Variants in TRAPPC9 observed in about 807,000 individuals in gnomAD.
TRAPPC9 encodes the protein trafficking protein particle complex subunit 9.
TRAPPC9 carries 83 observed loss-of-function variants against 124.0 expected under a neutral mutation model. The ratio of observed to expected loss-of-function variants is 0.67; its 90% CI spans 0.56 to 0.80. The LOEUF is 0.80. Ranked by LOEUF, TRAPPC9 falls within the 30% of genes least tolerant of loss-of-function variation. TRAPPC9 has a pLI of 0.00. For synonymous variants in TRAPPC9, 638 were observed against 617.5 expected, an observed-to-expected ratio of 1.03 and a Z score of -0.49; for missense variants, 1,302 against 1,508.3, an observed-to-expected ratio of 0.86 and a Z score of 2.27.
intron 17 of TRAPPC9, among the ~76,000 whole-genome samples, chr8:140,190,559 G>C (rs2062467952): frequency 1.3e-5 from 2 of 152,160 alleles, no homozygotes; most frequent in Non-Finnish European, 2.9e-5. Flanking sequence ...GAGAGACTGG[G>C]CCCAACCGCC....
At chr8:140,166,126 C>T (rs1174826912) in intron 17 of TRAPPC9, among the ~76,000 whole-genome samples, 1 of 152,198 alleles carries the variant, frequency 6.6e-6, no homozygotes, top group African/African-American at 2.4e-5. Flanking sequence ...TGCGATAACA[C>T]TCATCATGAT....
At position 140,406,769 on chromosome 8, in the gene TRAPPC9, TG is replaced by T. The variant is rs199624847; in HGVS notation, c.887-1072del. On this transcript the variant is annotated intron_variant, in intron 5 of 22. Transcript: ENST00000438773. The stretch of plus-strand genomic sequence containing the variant: ...GGAAGAAAGAACTGTAACAGAACTG[TG>T]GAGAGGCAGGTGGTTTAGGACTTTG... Among the ~76,000 whole-genome samples the T allele has an allele frequency of 2.2e-3, 333 of 152,256 alleles. 1 individual carries two copies. Among genetic ancestry groups the T allele is most frequent in the African/African-American group, 7.5e-3 (312 of 41,530 alleles).
Position 140,329,413 on chromosome 8 carries a change from G to A in TRAPPC9, c.1496-18039C>T, listed in dbSNP as rs114569680. ...AAAATGGGACAGGAGCAGACAAAGC[G>A]ATGGCTCGTCTCCTAGGGAGCACAT... On this transcript the variant is annotated intron_variant, in intron 9 of 22. Transcript: ENST00000438773. Among the ~76,000 whole-genome samples the A allele has an allele frequency of 4.1e-3, 630 of 152,276 alleles. 6 individuals are homozygous for A. Among genetic ancestry groups the A allele is most frequent in the Middle Eastern group, 0.031 (9 of 294 alleles).
At chr8:139,817,272 A>T (rs1586911222) in intron 21 of TRAPPC9, among the ~76,000 whole-genome samples, 1 of 152,314 alleles carries the variant, frequency 6.6e-6, no homozygotes, top group Non-Finnish European at 1.5e-5. Flanking sequence ...TAGCAGGTTC[A>T]GGCTGCAAAT....
intron 17 of TRAPPC9, among the ~76,000 whole-genome samples, chr8:140,171,670 A>G (rs1362763980): frequency 1.3e-5 from 2 of 152,170 alleles, no homozygotes; most frequent in African/African-American, 4.8e-5. Flanking sequence ...CAGCACCTGC[A>G]CTGCCTGGCA....
At chr8:140,243,955 G>A (rs1296721201) in intron 16 of TRAPPC9, among the ~76,000 whole-genome samples, 5 of 152,234 alleles carry the variant, frequency 3.3e-5, no homozygotes, top group Admixed American at 1.3e-4. Context: ...CCTCCCGTCA[G>A]CTCAGCAGCG....
At chr8:140,095,876 C>T (rs1014718895) in intron 17 of TRAPPC9, 3 of 152,080 alleles carry the variant, frequency 2.0e-5, no homozygotes, top group African/African-American at 7.2e-5. Context: ...GGTGCCTCTC[C>T]GAGGTGCAGA....
intron 19 of TRAPPC9, among the ~76,000 whole-genome samples, chr8:139,935,261 AT>A (rs1235002370): frequency 1.3e-5 from 2 of 152,176 alleles, no homozygotes; most frequent in Non-Finnish European, 2.9e-5. Flanking sequence ...GAGGGGAAAG[AT>A]TTCTAAAAAA....
intron 20 of TRAPPC9, among the ~76,000 whole-genome samples, chr8:139,896,987 A>C (rs1830705359): frequency 1.3e-5 from 2 of 152,200 alleles, no homozygotes; most frequent in Non-Finnish European, 2.9e-5. Context: ...CTGTGAAATC[A>C]CTGCTGGGGC....
intron 9 of TRAPPC9, among the ~76,000 whole-genome samples, chr8:140,327,715 T>A (rs902093785): frequency 6.6e-6 from 1 of 152,162 alleles, no homozygotes. Context: ...GGCAAATTCA[T>A]CAAGAGGAAA....
chr8:140,251,346 A>T (rs2064128447), intron 16 of TRAPPC9, among the ~76,000 whole-genome samples: 1 of 152,252 alleles, frequency 6.6e-6, no homozygotes, highest in African/African-American at 2.4e-5. Context: ...AATGCAGTTC[A>T]GCGGGATAAA....
intron 20 of TRAPPC9, among the ~76,000 whole-genome samples, chr8:139,896,666 C>T (rs1830688338): frequency 1.3e-5 from 2 of 152,220 alleles, no homozygotes; most frequent in African/African-American, 4.8e-5. Context: ...ATTGACTCCT[C>T]ACCGTAAACC....
intron 17 of TRAPPC9, among the ~76,000 whole-genome samples, chr8:140,190,589 A>G (rs909323321): frequency 6.6e-6 from 1 of 152,236 alleles, no homozygotes; most frequent in Non-Finnish European, 1.5e-5. Context: ...CCAGAGGCAG[A>G]GCCTGGAGGA....
intron 10 of TRAPPC9, among the ~76,000 whole-genome samples, chr8:140,308,152 C>T (rs1217150042): frequency 6.6e-6 from 1 of 151,908 alleles, no homozygotes; most frequent in African/African-American, 2.4e-5. Flanking sequence ...AACGAAGGAA[C>T]AAAACCGGCC....
At chr8:140,274,476 G>A (rs1180289344) in intron 15 of TRAPPC9, among the ~76,000 whole-genome samples, 1 of 152,218 alleles carries the variant, frequency 6.6e-6, no homozygotes, top group African/African-American at 2.4e-5. Context: ...CCGGGAGAAT[G>A]GGTTAGACAA....
chr8:140,111,667 A>G (rs555901621), intron 17 of TRAPPC9, among the ~76,000 whole-genome samples: 1 of 152,350 alleles, frequency 6.6e-6, no homozygotes, highest in African/African-American at 2.4e-5. Context: ...AAGAGTCCCA[A>G]TGTGTGTATG....
intron 19 of TRAPPC9, among the ~76,000 whole-genome samples, chr8:139,965,588 G>T (rs1380876071): frequency 6.6e-6 from 1 of 151,650 alleles, no homozygotes; most frequent in Non-Finnish European, 1.5e-5. Context: ...CCAAGGCAAA[G>T]AAGCTTTGCT....
At chr8:139,922,607 G>A (rs1305902508) in intron 19 of TRAPPC9, among the ~76,000 whole-genome samples, 2 of 152,260 alleles carry the variant, frequency 1.3e-5, no homozygotes, top group Admixed American at 1.3e-4. Context: ...AGACAGGCAT[G>A]GCTGGCAGTG....
At chr8:140,030,755 A>G in intron 17 of TRAPPC9, among the ~76,000 whole-genome samples, 1 of 152,240 alleles carries the variant, frequency 6.6e-6, no homozygotes, top group African/African-American at 2.4e-5. Flanking sequence ...GAAGCCAGAC[A>G]CACAAGAGTG....
Sources: allele counts gnomAD v4.1 joint callset (sites outside exome capture counted in the v4.1 genomes callset), GRCh38; gene constraint gnomAD v4.1.1; transcripts MANE v1.5; gene names NCBI Gene and HGNC (gene_info 2026-07-23, HGNC 2026-07-21).